Variants in SP7 observed in about 807,000 individuals in gnomAD.
The protein encoded by SP7 is transcription factor Sp7.
SP7 carries 13 observed loss-of-function variants against 27.9 expected under a neutral mutation model. The ratio of observed to expected loss-of-function variants is 0.47; its 90% CI spans 0.30 to 0.74. SP7 has a LOEUF of 0.74. Among genes scored for constraint, SP7 ranks in the 30% least tolerant of loss-of-function variants. SP7 has a pLI of 0.06. For missense variants in SP7, 525 were observed against 558.0 expected, an observed-to-expected ratio of 0.94 and a Z score of 0.60; for synonymous variants, 219 against 226.7, an observed-to-expected ratio of 0.97 and a Z score of 0.31.
At chr12:53,343,356 G>A (rs1421792992) in intron 1 of SP7, among the ~76,000 whole-genome samples, 2 of 152,132 alleles carry the variant, frequency 1.3e-5, no homozygotes, top group African/African-American at 4.8e-5. Flanking sequence ...GCCTAGACTT[G>A]ATCCAAAGGC....
Position 53,328,950 on chromosome 12 carries a change from T to C in SP7, c.492A>G (p.Gly164=). The C allele has an allele frequency of 6.2e-7, 1 of 1,611,592 alleles. No individual in the cohort carries two copies. Among genetic ancestry groups the C allele is most frequent in the Non-Finnish European group, 8.5e-7 (1 of 1,178,762 alleles). The change falls in exon 3 of 3, where the codon GGA becomes GGG. Residue 164 remains glycine, a synonymous_variant. Transcript: ENST00000536324. This position sits in a 1 kb window ranked among gnomAD's most constrained non-coding sequence, Gnocchi z 5.1. ...TPTPWWDMHP[G]GNWLGGGQGQ... ...CCTGCCCACCACCTAGCCAGTTGCC[T>C]CCAGGGTGCATATCCCACCATGGAG...
intron 2 of SP7, among the ~76,000 whole-genome samples, chr12:53,331,176 C>A (rs945054179): frequency 6.6e-6 from 1 of 151,988 alleles, no homozygotes; most frequent in African/African-American, 2.4e-5. Context: ...TTTAGAAATG[C>A]AAGGGTATCT....
intron 2 of SP7, among the ~76,000 whole-genome samples, chr12:53,332,936 C>T (rs1363939653): frequency 2.6e-5 from 4 of 152,188 alleles, no homozygotes; most frequent in Non-Finnish European, 4.4e-5. Flanking sequence ...GTCCCCCGCC[C>T]GGCCCTCACA....
chr12:53,329,013 G>T lies in SP7; in HGVS notation c.429C>A (p.Ile143=). ...HPYGSWYKAG[I]HAGISPGPGN... is the part of the protein sequence containing the mutation. ...CTGGGCCTGGTGAAATGCCTGCATG[G>T]ATGCCTGCCTTGTACCAGGAGCCAT... The change falls in exon 3 of 3, where the codon ATC becomes ATA. Residue 143 remains isoleucine, a synonymous_variant. Coordinates refer to ENST00000536324, the MANE Select transcript of SP7 (RefSeq NM_001173467.3). The T allele has an allele frequency of 6.2e-7, 1 of 1,613,708 alleles. No individual in the cohort carries two copies. Among genetic ancestry groups the T allele is most frequent in the African/African-American group, 1.3e-5 (1 of 75,016 alleles).
intron 2 of SP7, among the ~76,000 whole-genome samples, chr12:53,334,292 A>G (rs1229245327): frequency 1.3e-5 from 2 of 149,396 alleles, no homozygotes; most frequent in Non-Finnish European, 3.0e-5. Flanking sequence ...TGCACACACC[A>G]TTTATCACTT....
At chr12:53,340,103 T>C (rs1459594771), upstream of SP7, among the ~76,000 whole-genome samples, 1 of 152,036 alleles carries the variant, frequency 6.6e-6, no homozygotes, top group East Asian at 1.9e-4. Flanking sequence ...TATATACATA[T>C]ACAGATAATG....
upstream of SP7, among the ~76,000 whole-genome samples, chr12:53,339,287 G>A (rs1370150151): frequency 2.0e-5 from 3 of 152,180 alleles, no homozygotes; most frequent in African/African-American, 7.2e-5. Flanking sequence ...CTGAACCACA[G>A]GAACCATTCC....
At chr12:53,337,641 T>A (rs1239339974), upstream of SP7, among the ~76,000 whole-genome samples, 1 of 152,122 alleles carries the variant, frequency 6.6e-6, no homozygotes, top group Non-Finnish European at 1.5e-5. Context: ...CCTTTTGCTC[T>A]CCCAGATCTC....
rs759089243 is a variant in SP7, at chr12:53,328,632, G to A, written c.810C>T (p.Cys270=). ...YGGSGAGRSS[C]DCPNCQELER... is the part of the protein sequence containing the mutation. ...CTAGCTCCTGGCAATTAGGGCAGTCGCAGGAGGAGCGCCCTGCCCCACTGC... is the reference window on the plus strand; with the variant it reads ...CTAGCTCCTGGCAATTAGGGCAGTCACAGGAGGAGCGCCCTGCCCCACTGC... Residue 270 remains cysteine (C), a synonymous_variant, in exon 3 of 3, where the codon TGC becomes TGT. Coordinates refer to ENST00000536324, the MANE Select transcript of SP7 (RefSeq NM_001173467.3). This position sits in a 1 kb window ranked among gnomAD's most constrained non-coding sequence, Gnocchi z 5.1. 11 of 1,609,850 alleles carry A rather than the reference G, an allele frequency of 6.8e-6. No homozygotes were observed. Among genetic ancestry groups the A allele is most frequent in the African/African-American group, 4.0e-5 (3 of 74,840 alleles).
chr12:53,330,351 C>T (rs571349138), intron 2 of SP7, among the ~76,000 whole-genome samples: 13 of 152,132 alleles, frequency 8.5e-5, no homozygotes, highest in Admixed American at 8.5e-4. Flanking sequence ...CCGCACCCAG[C>T]CAAAAAAATA....
upstream of SP7, among the ~76,000 whole-genome samples, chr12:53,338,159 G>T (rs1359815487): frequency 6.6e-6 from 1 of 151,750 alleles, no homozygotes; most frequent in African/African-American, 2.4e-5. Flanking sequence ...CAGGCAGGTG[G>T]GGGGGCGGGG....
At chr12:53,331,213 T>A (rs1188499623) in intron 2 of SP7, among the ~76,000 whole-genome samples, 1 of 152,146 alleles carries the variant, frequency 6.6e-6, no homozygotes, top group Non-Finnish European at 1.5e-5. Flanking sequence ...GGCTCACGCC[T>A]GTAATCCCAG....
intron 2 of SP7, among the ~76,000 whole-genome samples, chr12:53,331,015 G>A (rs7306783): frequency 0.88 from 134,370 of 152,218 alleles, 61,156 homozygotes; most frequent in Non-Finnish European, 0.98. Context: ...GGCTGTAAGA[G>A]CCCAAAGTCG....
intron 1 of SP7, among the ~76,000 whole-genome samples, chr12:53,343,806 A>C (rs1223766106): frequency 6.6e-6 from 1 of 152,120 alleles, no homozygotes; most frequent in Non-Finnish European, 1.5e-5. Context: ...GCACTTTGAA[A>C]GGCCAAGGCG....
At position 53,328,631 on chromosome 12, in the gene SP7, C is replaced by T. The variant is rs753586570; in HGVS notation, c.811G>A (p.Asp271Asn). ...GGSGAGRSSCDCPNCQELERL... is the reference protein window; with the variant it reads ...GGSGAGRSSCNCPNCQELERL... ...TCTAGCTCCTGGCAATTAGGGCAGTCGCAGGAGGAGCGCCCTGCCCCACTG... is the reference window on the plus strand; with the variant it reads ...TCTAGCTCCTGGCAATTAGGGCAGTTGCAGGAGGAGCGCCCTGCCCCACTG... The change falls in exon 3 of 3, where the codon GAC becomes AAC. Residue 271 changes from aspartate to asparagine, a missense_variant. Asp to Asn is a conservative substitution (Grantham distance 23, BLOSUM62 1). Transcript: ENST00000536324. The surrounding 1 kb of genome is among the most constrained non-coding windows in gnomAD (Gnocchi z 5.1). The T allele has an allele frequency of 5.0e-6, 8 of 1,610,072 alleles. No homozygotes were observed. The highest frequency in any genetic ancestry group is 2.2e-5 in the South Asian group (2 of 90,924).
At chr12:53,339,740 AG>A (rs1479939573), upstream of SP7, among the ~76,000 whole-genome samples, 1 of 143,014 alleles carries the variant, frequency 7.0e-6, no homozygotes, top group African/African-American at 2.6e-5. Flanking sequence ...AAAAAAAAAA[AG>A]AAAGAAAAAA....
intron 2 of SP7, among the ~76,000 whole-genome samples, 197 bp from the exon 3 acceptor site, chr12:53,329,617 GGAA>G (rs1392939976): frequency 2.6e-5 from 4 of 152,176 alleles, no homozygotes; most frequent in Non-Finnish European, 5.9e-5. Flanking sequence ...TGGAGTCGTG[GGAA>G]GAAGAACAGA....
chr12:53,333,864 G>T (rs1277928628), intron 2 of SP7, among the ~76,000 whole-genome samples: 1 of 151,046 alleles, frequency 6.6e-6, no homozygotes, highest in Non-Finnish European at 1.5e-5. Context: ...CCTTCGTGTT[G>T]CAGGCATCTC....
At chr12:53,332,438 C>G (rs774308073) in intron 2 of SP7, among the ~76,000 whole-genome samples, 1 of 152,062 alleles carries the variant, frequency 6.6e-6, no homozygotes. Flanking sequence ...ATTAGCTGGG[C>G]TTGGTGGTGC....
Sources: gnomAD v4.1 joint callset for allele counts (sites outside exome capture counted in the v4.1 genomes callset) on GRCh38, gnomAD v4.1.1 for gene constraint, Gnocchi (gnomAD v3.1) non-coding constraint, MANE v1.5 for transcripts, NCBI Gene and HGNC (gene_info 2026-07-23, HGNC 2026-07-21) for gene names.